The following LDLRAD2 variants were observed in gnomAD, a reference collection of about 807,000 sequenced individuals.
The protein encoded by LDLRAD2 is low density lipoprotein receptor class A domain containing 2, also known as low-density lipoprotein receptor class A domain-containing protein 2.
LDLRAD2 carries 25 observed loss-of-function variants against 24.9 expected under a neutral mutation model. The observed-to-expected ratio is 1.00, with a 90% confidence interval of 0.73 to 1.40. The LOEUF is 1.40. Ranked by LOEUF, LDLRAD2 falls within the 40% of genes most tolerant of loss-of-function variation. LDLRAD2 has a pLI of 0.00. For synonymous variants in LDLRAD2, 182 were observed against 166.7 expected, an observed-to-expected ratio of 1.09 and a Z score of -0.71; for missense variants, 391 against 366.2, an observed-to-expected ratio of 1.07 and a Z score of -0.55.
chr1:21,814,898 G>A, intron 2 of LDLRAD2, 75 bp downstream of exon 2: 1 of 1,303,872 alleles, frequency 7.7e-7, no homozygotes, highest in African/African-American at 1.5e-5. Flanking sequence ...TGGGGGCCCC[G>A]GTGAGGGCCG....
At position 21,824,247 on chromosome 1, in the gene LDLRAD2, C is replaced by CG. The variant is rs776222072; in HGVS notation, c.*2038dup. On this transcript the variant is annotated 3_prime_UTR_variant, in exon 5 of 5. Coordinates refer to ENST00000344642, the MANE Select transcript of LDLRAD2 (RefSeq NM_001013693.3). This position sits in a 1 kb window ranked among gnomAD's most constrained non-coding sequence, Gnocchi z 5.9. Reference sequence around the variant, plus strand: ...CAAGAAGTATGAGCTGGGGCAGGACCGGGGGGTGGGGTGCTGGGACCAGGG... The same window carrying CG: ...CAAGAAGTATGAGCTGGGGCAGGACCGGGGGGGTGGGGTGCTGGGACCAGGG... 3.1e-6 allele frequency: 5 copies of CG among 1,612,798 alleles called. No individual in the cohort carries two copies. Among genetic ancestry groups the CG allele is most frequent in the South Asian group, 2.2e-5 (2 of 91,042 alleles).
intron 3 of LDLRAD2, among the ~76,000 whole-genome samples, chr1:21,817,152 A>C (rs1266720584): frequency 6.6e-6 from 1 of 151,882 alleles, no homozygotes; most frequent in Non-Finnish European, 1.5e-5. Flanking sequence ...AGTCCTTTGA[A>C]AGCTCTCCAG....
At position 21,814,452 on chromosome 1, in the gene LDLRAD2, G is replaced by A. The variant is rs771363774; in HGVS notation, c.140G>A (p.Arg47His). Residue 47 changes from arginine (R) to histidine (H), a missense_variant, in exon 2 of 5, where the codon CGC becomes CAC. Transcript: ENST00000344642. The stretch of plus-strand genomic sequence containing the variant: ...TGGCAGGGGGACGGGCTGCTGCTGC[G>A]CTCGCACGCCGCATCGCGCAGGTTC... ...QTWQGDGLLL[R>H]SHAASRRFYF... The A allele has an allele frequency of 5.0e-6, 8 of 1,610,462 alleles. No individual in the cohort carries two copies. In the Admixed American group the frequency reaches 1.3e-4, roughly 27 times the overall value.
chr1:21,817,040 C>A (rs569356487), intron 3 of LDLRAD2, among the ~76,000 whole-genome samples: 1 of 152,194 alleles, frequency 6.6e-6, no homozygotes, highest in African/African-American at 2.4e-5. Context: ...GCTTCCCTCT[C>A]GCTGAGCAGC....
Position 21,814,598 on chromosome 1 carries a change from C to CT in LDLRAD2, c.287dup (p.Asn97GlnfsTer96). ...CAGCCTGACCCCCGCGCCCCCGGCGCTCAACACCTCCTCCCCGGCCCCGGC... is the reference window on the plus strand; with the variant it reads ...CAGCCTGACCCCCGCGCCCCCGGCGCTTCAACACCTCCTCCCCGGCCCCGGC... On this transcript the variant is annotated frameshift_variant, in exon 2 of 5. Coordinates refer to ENST00000344642, the MANE Select transcript of LDLRAD2 (RefSeq NM_001013693.3). LOFTEE classifies it high-confidence loss of function. 1 of 1,611,426 alleles carries CT rather than the reference C, an allele frequency of 6.2e-7. No individual in the cohort carries two copies. Among genetic ancestry groups the CT allele is most frequent in the South Asian group, 1.1e-5 (1 of 91,006 alleles).
chr1:21,817,526 A>G (rs575636004), intron 3 of LDLRAD2, among the ~76,000 whole-genome samples: 1 of 152,184 alleles, frequency 6.6e-6, no homozygotes, highest in Admixed American at 6.6e-5. Context: ...TTTTCTGTAG[A>G]GATGAGGTCT....
chr1:21,817,884 T>C (rs564447195), intron 3 of LDLRAD2, among the ~76,000 whole-genome samples: 9 of 150,142 alleles, frequency 6.0e-5, no homozygotes, highest in African/African-American at 2.2e-4. Flanking sequence ...ATTTTATTAC[T>C]TTTTTTCAGA....
Position 21,814,461 on chromosome 1 carries a change from C to G in LDLRAD2, c.149C>G (p.Ala50Gly). 1 of 1,611,172 alleles carries G rather than the reference C, an allele frequency of 6.2e-7. No homozygotes were observed. Among genetic ancestry groups the G allele is most frequent in the Non-Finnish European group, 8.5e-7 (1 of 1,178,984 alleles). Residue 50 changes from alanine (A) to glycine (G), a missense_variant, in exon 2 of 5, where the codon GCC becomes GGC. Physicochemically the swap from Ala to Gly is moderately conservative, Grantham distance 60. Coordinates refer to ENST00000344642, the MANE Select transcript of LDLRAD2 (RefSeq NM_001013693.3). ...QGDGLLLRSH[A>G]ASRRFYFVAP... ...GACGGGCTGCTGCTGCGCTCGCACG[C>G]CGCATCGCGCAGGTTCTACTTCGTG...
At position 21,824,894 on chromosome 1, in the gene LDLRAD2, T is replaced by A; in HGVS notation, c.*2679T>A. The A allele has an allele frequency of 4.1e-6, 4 of 986,118 alleles. 1 individual carries two copies. In the South Asian group the frequency reaches 5.5e-5, roughly 14 times the overall value. 61.1% of individuals were successfully genotyped at this position (986,118 alleles called of 1,614,324 possible). On this transcript the variant is annotated 3_prime_UTR_variant, in exon 5 of 5. Transcript: ENST00000344642. This position sits in a 1 kb window ranked among gnomAD's most constrained non-coding sequence, Gnocchi z 5.9. ...ATGCAGGACTAGGGGGCTCCGAGCCTGCAGTCCCTGGGGACCCACGGGGGC... is the reference window on the plus strand; with the variant it reads ...ATGCAGGACTAGGGGGCTCCGAGCCAGCAGTCCCTGGGGACCCACGGGGGC...
chr1:21,814,476 T>A lies in LDLRAD2; in HGVS notation c.164T>A (p.Phe55Tyr). ...LLRSHAASRR[F>Y]YFVAPDTDCG... ...CGCTCGCACGCCGCATCGCGCAGGT[T>A]CTACTTCGTGGCTCCGGACACCGAC... Residue 55 changes from phenylalanine (F) to tyrosine (Y), a missense_variant, in exon 2 of 5, where the codon TTC becomes TAC. Phe to Tyr is a conservative substitution (Grantham distance 22). Coordinates refer to ENST00000344642, the MANE Select transcript of LDLRAD2 (RefSeq NM_001013693.3). 6.2e-7 allele frequency: 1 copy of A among 1,612,442 alleles called. No homozygotes were observed. The highest frequency in any genetic ancestry group is 1.3e-5 in the African/African-American group (1 of 75,014).
intron 4 of LDLRAD2, chr1:21,821,936 C>G: frequency 7.0e-7 from 1 of 1,420,958 alleles, no homozygotes; most frequent in Non-Finnish European, 9.2e-7. Context: ...AGTGGCCCAG[C>G]CTTATAGGAT....
chr1:21,822,247 C>A lies in LDLRAD2; in HGVS notation c.*32C>A. 2 of 1,600,712 alleles carry A rather than the reference C, an allele frequency of 1.2e-6. No homozygotes were observed. Among genetic ancestry groups the A allele is most frequent in the Non-Finnish European group, 1.7e-6 (2 of 1,167,898 alleles). ...CATCAAAGACTCAGGAGGCCCCTGG[C>A]GGGGATAGCACCGTTTATTAAGAAA... On this transcript the variant is annotated 3_prime_UTR_variant, in exon 5 of 5. Coordinates refer to ENST00000344642, the MANE Select transcript of LDLRAD2 (RefSeq NM_001013693.3).
At position 21,825,178 on chromosome 1, in the gene LDLRAD2, G is replaced by C. The variant is rs1000087359; in HGVS notation, c.*2963G>C. On this transcript the variant is annotated 3_prime_UTR_variant, in exon 5 of 5. Coordinates refer to ENST00000344642, the MANE Select transcript of LDLRAD2 (RefSeq NM_001013693.3). ...CTGAGATCACCAGATCTTGTTATTT[G>C]ATGTGTTAATAAAGAAGCACATATA... is the stretch of plus-strand genomic sequence containing the variant. 8.3e-5 allele frequency: 24 copies of C among 289,416 alleles called. No individual in the cohort carries two copies. The highest frequency in any genetic ancestry group is 1.2e-3 in the Middle Eastern group (1 of 804). 17.9% of individuals were successfully genotyped at this position (289,416 alleles called of 1,614,324 possible). A position where few individuals can be genotyped will look rare whatever the true frequency, so the allele number is the denominator to read the frequency against.
chr1:21,818,765 C>T (rs974279146), intron 3 of LDLRAD2, among the ~76,000 whole-genome samples: 3 of 152,122 alleles, frequency 2.0e-5, no homozygotes, highest in African/African-American at 4.8e-5. Flanking sequence ...CTGCTCAAAA[C>T]CCTCATCACA....
At position 21,812,336 on chromosome 1, in the gene LDLRAD2, T is replaced by G; in HGVS notation, c.-116T>G. On this transcript the variant is annotated 5_prime_UTR_variant, in exon 1 of 5. Coordinates refer to ENST00000344642, the MANE Select transcript of LDLRAD2 (RefSeq NM_001013693.3). ...GTGAAGACTTGCCTCCCCCTTCTCC[T>G]TGTGTCCCACCAGCCTCCCTGCTGG... 1.4e-6 allele frequency: 1 copy of G among 713,620 alleles called. No individual in the cohort carries two copies. The highest frequency in any genetic ancestry group is 2.4e-6 in the Non-Finnish European group (1 of 408,304). The allele number at this position is 713,620 out of a possible 1,614,324, so 44.2% of individuals were successfully genotyped here.
chr1:21,815,491 C>A (rs141433444), intron 2 of LDLRAD2, among the ~76,000 whole-genome samples: 1 of 152,274 alleles, frequency 6.6e-6, no homozygotes, highest in East Asian at 1.9e-4. Context: ...TAATAATACT[C>A]GCCCAACTGG....
chr1:21,820,433 G>T (rs2097949344), intron 3 of LDLRAD2, among the ~76,000 whole-genome samples: 1 of 148,426 alleles, frequency 6.7e-6, no homozygotes, highest in African/African-American at 2.5e-5. Flanking sequence ...TGAGGCAGGA[G>T]AATGGCGTGA....
In LDLRAD2 at chr1:21,824,845, C is replaced by T; in HGVS notation, c.*2630C>T. 23 of 1,426,212 alleles carry T rather than the reference C, an allele frequency of 1.6e-5. No individual in the cohort carries two copies. The highest frequency in any genetic ancestry group is 2.1e-5 in the Non-Finnish European group (22 of 1,030,030). 88.3% of individuals were successfully genotyped at this position (1,426,212 alleles called of 1,614,324 possible). On this transcript the variant is annotated 3_prime_UTR_variant, in exon 5 of 5. Transcript: ENST00000344642. This position sits in a 1 kb window ranked among gnomAD's most constrained non-coding sequence, Gnocchi z 5.9. ...GGCATCAAAATCCCCCGTCAGTTCC[C>T]CTGACCCCCACCTCCACGCCAACAT... is the stretch of plus-strand genomic sequence containing the variant.
chr1:21,814,684 G>A lies in LDLRAD2; in HGVS notation c.372G>A (p.Arg124=). ...QFYEGPPGAP[R]PLGSPLCGLN... Reference sequence around the variant, plus strand: ...ACGAGGGCCCGCCGGGGGCGCCCCGGCCCCTGGGGTCCCCACTGTGCGGCC... The same window carrying A: ...ACGAGGGCCCGCCGGGGGCGCCCCGACCCCTGGGGTCCCCACTGTGCGGCC... The change falls in exon 2 of 5, where the codon CGG becomes CGA. Residue 124 remains arginine (R), a synonymous_variant. Coordinates refer to ENST00000344642, the MANE Select transcript of LDLRAD2 (RefSeq NM_001013693.3). 6.3e-7 allele frequency: 1 copy of A among 1,575,664 alleles called. No homozygotes were observed. The highest frequency in any genetic ancestry group is 1.1e-5 in the South Asian group (1 of 87,772).
Sources: allele counts gnomAD v4.1 joint callset (sites outside exome capture counted in the v4.1 genomes callset), GRCh38; gene constraint gnomAD v4.1.1; non-coding constraint Gnocchi (gnomAD v3.1); transcripts MANE v1.5; gene names NCBI Gene and HGNC (gene_info 2026-07-23, HGNC 2026-07-21).